TRABD2B: variants seen among roughly 807,000 people sequenced by gnomAD.
TRABD2B encodes metalloprotease TIKI2.
TRABD2B carries 14 observed loss-of-function variants against 40.1 expected under a neutral mutation model. The observed-to-expected ratio is 0.35, with a 90% CI of 0.23 to 0.55. TRABD2B has a LOEUF of 0.55. Ranked by LOEUF, TRABD2B falls within the 20% of genes least tolerant of loss-of-function variation. The probability of loss-of-function intolerance (pLI) is 0.90; values close to 1 mark genes in which losing one functional copy is unlikely to be tolerated. For missense variants in TRABD2B, 541 were observed against 648.6 expected (o/e 0.83, Z 1.80); for synonymous variants, 263 against 277.0 (o/e 0.95, Z 0.50).
chr1:47,930,727 T>C (rs1325559082), intron 2 of TRABD2B, among the ~76,000 whole-genome samples: 1 of 151,966 alleles, frequency 6.6e-6, no homozygotes, highest in Non-Finnish European at 1.5e-5. Context: ...ACACAACTCC[T>C]CTCTCCCTCC....
intron 2 of TRABD2B, among the ~76,000 whole-genome samples, chr1:47,921,642 C>G (rs1183241094): frequency 6.6e-6 from 1 of 152,194 alleles, no homozygotes; most frequent in Non-Finnish European, 1.5e-5. Context: ...ATGCAGGGCT[C>G]AGCAAAGCCA....
At chr1:47,893,249 CA>C (rs1644474070) in intron 2 of TRABD2B, among the ~76,000 whole-genome samples, 1 of 151,124 alleles carries the variant, frequency 6.6e-6, no homozygotes, top group Non-Finnish European at 1.5e-5. Context: ...AAAAAAAAAA[CA>C]AAAACAAAAA....
chr1:47,850,506 C>T (rs1157449137), intron 2 of TRABD2B, among the ~76,000 whole-genome samples: 1 of 152,236 alleles, frequency 6.6e-6, no homozygotes, highest in Non-Finnish European at 1.5e-5. Context: ...TAGGTGCTCT[C>T]CACCCTAAGG....
intron 2 of TRABD2B, among the ~76,000 whole-genome samples, chr1:47,824,522 C>T (rs1418485571): frequency 1.3e-5 from 2 of 152,212 alleles, no homozygotes; most frequent in Non-Finnish European, 2.9e-5. Flanking sequence ...GAGGCCCAGG[C>T]ACACAGTTCA....
At chr1:47,786,872 A>T (rs1229274232) in intron 4 of TRABD2B, among the ~76,000 whole-genome samples, 1 of 151,858 alleles carries the variant, frequency 6.6e-6, no homozygotes, top group African/African-American at 2.4e-5. Flanking sequence ...TGACTGGCAA[A>T]TTTTTTTATT....
rs139664157 is a variant in TRABD2B, at chr1:47,903,896, C to T, written c.666+90138G>A. ...TCACCAGGCCAGGCTACAGGATCTG[C>T]CTGCCTGCTCCAGTTTGGTCAGATC... On this transcript the variant is annotated intron_variant, in intron 2 of 6. Coordinates refer to ENST00000606738, the MANE Select transcript of TRABD2B (RefSeq NM_001194986.2). Among the ~76,000 whole-genome samples, 1,127 of 152,308 alleles carry T rather than the reference C, an allele frequency of 7.4e-3. 21 individuals carry two copies. Among genetic ancestry groups the T allele is most frequent in the African/African-American group, 0.026 (1,092 of 41,562 alleles).
At chr1:47,922,242 G>A (rs939480022) in intron 2 of TRABD2B, among the ~76,000 whole-genome samples, 3 of 152,214 alleles carry the variant, frequency 2.0e-5, no homozygotes, top group South Asian at 4.1e-4. Flanking sequence ...CTGCCATGGA[G>A]AGTGGTTACT....
rs1644239448 is a variant in TRABD2B, at chr1:47,761,144, G to A, written c.*4758C>T. 1 of 152,462 alleles carries A rather than the reference G, an allele frequency of 6.6e-6. No homozygotes were observed. The highest frequency in any genetic ancestry group is 2.4e-5 in the African/African-American group (1 of 41,478). The allele number at this position is 152,462 out of a possible 1,614,324, so 9.4% of individuals were successfully genotyped here. A position where few individuals can be genotyped will look rare whatever the true frequency, so the allele number is the denominator to read the frequency against. On this transcript the variant is annotated 3_prime_UTR_variant, in exon 7 of 7. Transcript: ENST00000606738. ...CAGGAATCAAGGTCTTCATTTGACAGATGAGGAAGTGAAGGCTCAGAGAGG... is the reference window on the plus strand; with the variant it reads ...CAGGAATCAAGGTCTTCATTTGACAAATGAGGAAGTGAAGGCTCAGAGAGG...
intron 2 of TRABD2B, among the ~76,000 whole-genome samples, chr1:47,803,457 C>G (rs923628926): frequency 6.6e-6 from 1 of 152,158 alleles, no homozygotes; most frequent in African/African-American, 2.4e-5. Flanking sequence ...AGACATGTGG[C>G]GCAGAGCCGT....
chr1:47,934,960 C>T (rs139117489), intron 2 of TRABD2B, among the ~76,000 whole-genome samples: 3 of 152,238 alleles, frequency 2.0e-5, no homozygotes, highest in East Asian at 1.9e-4. Context: ...AAGGGGCCTC[C>T]GAAAAACACT....
intron 2 of TRABD2B, among the ~76,000 whole-genome samples, chr1:47,839,607 G>C (rs907379219): frequency 5.3e-5 from 8 of 152,158 alleles, no homozygotes; most frequent in African/African-American, 1.9e-4. Context: ...CTACACCTCT[G>C]ATGGGAAGGG....
At chr1:47,891,133 A>T (rs1644439553) in intron 2 of TRABD2B, among the ~76,000 whole-genome samples, 1 of 152,210 alleles carries the variant, frequency 6.6e-6, no homozygotes, top group Admixed American at 6.5e-5. Context: ...TTACAAGTAA[A>T]CTGTTTAGAA....
chr1:47,924,964 C>T (rs1644950972), intron 2 of TRABD2B, among the ~76,000 whole-genome samples: 1 of 152,170 alleles, frequency 6.6e-6, no homozygotes, highest in African/African-American at 2.4e-5. Flanking sequence ...CAGTGTGGGG[C>T]CAGGGTCAAC....
At chr1:47,794,396 C>CATA (rs1331010270) in intron 4 of TRABD2B, among the ~76,000 whole-genome samples, 190 bp downstream of exon 4, 8 of 152,096 alleles carry the variant, frequency 5.3e-5, no homozygotes, top group Non-Finnish European at 1.2e-4. Context: ...CCGTGGGGAC[C>CATA]GTTATGGAAG....
At chr1:47,984,322 G>A (rs564396543) in intron 2 of TRABD2B, among the ~76,000 whole-genome samples, 1 of 152,350 alleles carries the variant, frequency 6.6e-6, no homozygotes, top group Non-Finnish European at 1.5e-5. Flanking sequence ...TGACGGGCGA[G>A]GACATACACA....
At chr1:47,795,120 G>A (rs1218013057) in intron 3 of TRABD2B, among the ~76,000 whole-genome samples, 1 of 152,186 alleles carries the variant, frequency 6.6e-6, no homozygotes, top group South Asian at 2.1e-4. Context: ...AGTATGCACA[G>A]CCCCAGTGGG....
At chr1:47,855,171 G>A (rs1570131889) in intron 2 of TRABD2B, among the ~76,000 whole-genome samples, 3 of 152,088 alleles carry the variant, frequency 2.0e-5, no homozygotes, top group South Asian at 2.1e-4. Flanking sequence ...CAGAGAAATC[G>A]AATAAATATC....
chr1:47,846,255 G>C (rs148644898), intron 2 of TRABD2B, among the ~76,000 whole-genome samples: 18 of 152,334 alleles, frequency 1.2e-4, no homozygotes, highest in African/African-American at 4.3e-4. Context: ...TCTTTCCAAG[G>C]GAAATGCACC....
At chr1:47,782,869 G>T (rs1274269574) in intron 4 of TRABD2B, among the ~76,000 whole-genome samples, 1 of 152,230 alleles carries the variant, frequency 6.6e-6, no homozygotes, top group Non-Finnish European at 1.5e-5. Context: ...TTGGGGCTCA[G>T]CCTGCAAGGC....
Sources: allele counts gnomAD v4.1 joint callset (sites outside exome capture counted in the v4.1 genomes callset), GRCh38; gene constraint gnomAD v4.1.1; transcripts MANE v1.5; gene names NCBI Gene and HGNC (gene_info 2026-07-23, HGNC 2026-07-21).